The following ADRA1A variants were observed in gnomAD, a reference collection of about 807,000 sequenced individuals.
ADRA1A encodes the protein alpha-1A adrenergic receptor.
In ADRA1A, 31 loss-of-function variants were observed where a neutral mutation model predicts 29.6. The observed-to-expected ratio is 1.05, with a 90% CI of 0.79 to 1.41. The LOEUF (loss-of-function observed/expected upper bound fraction) is 1.41, where lower values mean the gene tolerates loss of function less well. ADRA1A is among the 40% of genes most tolerant of loss of function. The probability of loss-of-function intolerance (pLI) is 0.00; values close to 1 mark genes in which losing one functional copy is unlikely to be tolerated. For synonymous variants in ADRA1A, 311 were observed against 254.3 expected (o/e 1.22, Z -2.12); for missense variants, 619 against 601.1 (o/e 1.03, Z -0.31).
intron 2 of ADRA1A, among the ~76,000 whole-genome samples, chr8:26,826,850 G>C (rs6990485): frequency 0.055 from 8,393 of 152,266 alleles, 718 homozygotes; most frequent in African/African-American, 0.19. Context: ...CAGAAACACC[G>C]AGTTCCCAAC....
At chr8:26,859,959 G>C (rs940147699) in intron 2 of ADRA1A, among the ~76,000 whole-genome samples, 1 of 151,920 alleles carries the variant, frequency 6.6e-6, no homozygotes, top group Non-Finnish European at 1.5e-5. Flanking sequence ...GTAAAGACAG[G>C]GTTTCACCAT....
At chr8:26,850,944 A>C (rs966426244) in intron 2 of ADRA1A, among the ~76,000 whole-genome samples, 1 of 152,222 alleles carries the variant, frequency 6.6e-6, no homozygotes, top group African/African-American at 2.4e-5. Context: ...CAATATGTCA[A>C]TTACAGGGCA....
chr8:26,782,214 C>A (rs1338209825), intron 2 of ADRA1A, among the ~76,000 whole-genome samples: 2 of 152,204 alleles, frequency 1.3e-5, no homozygotes, highest in African/African-American at 4.8e-5. Flanking sequence ...TCTTTCTCCC[C>A]AGCCACTTGG....
downstream of ADRA1A, among the ~76,000 whole-genome samples, chr8:26,768,293 G>C (rs1585644632): frequency 6.6e-6 from 1 of 152,306 alleles, no homozygotes; most frequent in East Asian, 1.9e-4. Context: ...CTTTGAATTT[G>C]TTAGAGGAAA....
intron 2 of ADRA1A, among the ~76,000 whole-genome samples, chr8:26,834,140 T>A (rs1371583376): frequency 1.3e-5 from 2 of 152,180 alleles, no homozygotes; most frequent in African/African-American, 4.8e-5. Context: ...AATATTCTAC[T>A]CACAGTAGCA....
At chr8:26,761,236 C>A (rs1045044077), downstream of ADRA1A, among the ~76,000 whole-genome samples, 1 of 152,184 alleles carries the variant, frequency 6.6e-6, no homozygotes, top group Non-Finnish European at 1.5e-5. Flanking sequence ...CAGACAATTG[C>A]TGTAAGAACT....
chr8:26,853,618 G>A (rs1204358121), intron 2 of ADRA1A: 1 of 152,138 alleles, frequency 6.6e-6, no homozygotes, highest in East Asian at 1.9e-4. Context: ...AAATAAGAAA[G>A]GAAATGATGG....
chr8:26,824,598 G>A (rs907840026), intron 2 of ADRA1A, among the ~76,000 whole-genome samples: 7 of 152,106 alleles, frequency 4.6e-5, no homozygotes, highest in East Asian at 1.9e-4. Flanking sequence ...AGTAGAACAC[G>A]CTGCCCCTCC....
At chr8:26,849,898 T>C (rs1455641619) in intron 2 of ADRA1A, among the ~76,000 whole-genome samples, 1 of 145,838 alleles carries the variant, frequency 6.9e-6, no homozygotes, top group Non-Finnish European at 1.5e-5. Context: ...CCATATGGAG[T>C]GGGATGGAGG....
chr8:26,843,152 A>T (rs1201973062), intron 2 of ADRA1A, among the ~76,000 whole-genome samples: 2 of 152,154 alleles, frequency 1.3e-5, no homozygotes, highest in African/African-American at 4.8e-5. Flanking sequence ...CAAGTGTGCT[A>T]TCCTTTTCCC....
downstream of ADRA1A, chr8:26,766,258 A>T: frequency 1.3e-6 from 1 of 798,552 alleles, no homozygotes; most frequent in Admixed American, 1.9e-5. Flanking sequence ...TGTTTCTATG[A>T]ACTGTGGTTG....
chr8:26,773,586 G>A (rs1484449551), intron 2 of ADRA1A, among the ~76,000 whole-genome samples: 1 of 151,820 alleles, frequency 6.6e-6, no homozygotes, highest in Non-Finnish European at 1.5e-5. Flanking sequence ...GGGAGGGGAG[G>A]GTCGTTTCCT....
At position 26,775,987 on chromosome 8, in the gene ADRA1A, G is replaced by A. The variant is rs183727539; in HGVS notation, c.884-5321C>T. On this transcript the variant is annotated intron_variant, in intron 2 of 2. Transcript: ENST00000380573. This position sits in a 1 kb window ranked among gnomAD's most constrained non-coding sequence, Gnocchi z 4.1. ...GAAAATCTGACTTCATTTTTGAACT[G>A]GGGCTCATCTAATAGGCTTATGAGG... Among the ~76,000 whole-genome samples the A allele has an allele frequency of 2.0e-5, 3 of 152,288 alleles. No individual in the cohort carries two copies. Among genetic ancestry groups the A allele is most frequent in the Admixed American group, 2.0e-4 (3 of 15,300 alleles).
intron 2 of ADRA1A, among the ~76,000 whole-genome samples, chr8:26,802,321 A>G (rs12680401): frequency 0.087 from 13,227 of 152,226 alleles, 910 homozygotes; most frequent in East Asian, 0.33. Flanking sequence ...TTTGCAAACT[A>G]TCCATCTAAA....
intron 2 of ADRA1A, among the ~76,000 whole-genome samples, chr8:26,797,049 C>T (rs1808237504): frequency 1.3e-5 from 2 of 152,132 alleles, no homozygotes; most frequent in African/African-American, 4.8e-5. Flanking sequence ...TTGCCTTTGC[C>T]ACTATCATTC....
Position 26,769,020 on chromosome 8 carries a change from A to G in ADRA1A, c.*1129T>C, listed in dbSNP as rs1021169032. ...CCATCAGTATTGTCTGAAGCTAAGC[A>G]TTAGTATTTTTCAAAGTTCGGGAAT... On this transcript the variant is annotated 3_prime_UTR_variant, in exon 3 of 3. Coordinates refer to ENST00000380573, the MANE Select transcript of ADRA1A (RefSeq NM_000680.4). 2 of 985,344 alleles carry G rather than the reference A, an allele frequency of 2.0e-6. No individual in the cohort carries two copies. The highest frequency in any genetic ancestry group is 4.7e-5 in the South Asian group (1 of 21,288). The allele number at this position is 985,344 out of a possible 1,614,324, so 61.0% of individuals were successfully genotyped here. A position where few individuals can be genotyped will look rare whatever the true frequency, so the allele number is the denominator to read the frequency against.
chr8:26,847,952 G>A (rs1359397316), intron 2 of ADRA1A, among the ~76,000 whole-genome samples: 2 of 152,206 alleles, frequency 1.3e-5, no homozygotes, highest in African/African-American at 4.8e-5. Context: ...TTGGATTTCT[G>A]AGTGGGATTT....
At chr8:26,836,652 G>A (rs187230031) in intron 2 of ADRA1A, among the ~76,000 whole-genome samples, 1 of 152,304 alleles carries the variant, frequency 6.6e-6, no homozygotes, top group East Asian at 1.9e-4. Flanking sequence ...CAAAACCAAA[G>A]TGATATTGTT....
At chr8:26,819,309 T>C (rs967303597) in intron 2 of ADRA1A, among the ~76,000 whole-genome samples, 2 of 152,196 alleles carry the variant, frequency 1.3e-5, no homozygotes, top group African/African-American at 2.4e-5. Context: ...TAAAGGGAGT[T>C]ATTCAAGTTG....
Sources: allele counts gnomAD v4.1 joint callset (sites outside exome capture counted in the v4.1 genomes callset), GRCh38; gene constraint gnomAD v4.1.1; non-coding constraint Gnocchi (gnomAD v3.1); transcripts MANE v1.5; gene names NCBI Gene and HGNC (gene_info 2026-07-23, HGNC 2026-07-21).